SDC4: variants seen among roughly 807,000 people sequenced by gnomAD.
SDC4 encodes syndecan 4.
SDC4 carries 17 observed loss-of-function variants against 20.5 expected under a neutral mutation model. The observed-to-expected ratio is 0.83, with a 90% CI of 0.57 to 1.25. SDC4 has a LOEUF of 1.25. Among genes scored for constraint, SDC4 ranks in the 50% most tolerant of loss-of-function variants. The pLI is 0.00. For synonymous variants in SDC4, 107 were observed against 105.3 expected, an observed-to-expected ratio of 1.02 and a Z score of -0.10; for missense variants, 241 against 252.3, an observed-to-expected ratio of 0.96 and a Z score of 0.30.
chr20:45,342,909 G>T (rs1381410064), intron 1 of SDC4, among the ~76,000 whole-genome samples: 1 of 152,168 alleles, frequency 6.6e-6, no homozygotes, highest in African/African-American at 2.4e-5. Flanking sequence ...CCTCGTCTAG[G>T]TGCTAATAAA....
At chr20:45,337,692 A>ACT (rs1568906994) in intron 1 of SDC4, among the ~76,000 whole-genome samples, 1 of 151,774 alleles carries the variant, frequency 6.6e-6, no homozygotes. Flanking sequence ...CCACTCCTGT[A>ACT]CTCTCCCCAC....
intron 1 of SDC4, among the ~76,000 whole-genome samples, chr20:45,347,958 C>A (rs982910080): frequency 2.6e-5 from 4 of 152,248 alleles, no homozygotes; most frequent in Middle Eastern, 3.4e-3. Flanking sequence ...GCTCTGGGCG[C>A]CCCGAGAGCG....
Position 45,326,383 on chromosome 20 carries a change from T to TAAAAAAA in SDC4, c.*874_*880dup, listed in dbSNP as rs35186241. The TAAAAAAA allele has an allele frequency of 2.0e-4, 20 of 97,606 alleles. No homozygotes were observed. Among genetic ancestry groups the TAAAAAAA allele is most frequent in the Middle Eastern group, 6.9e-3 (1 of 144 alleles). The allele number at this position is 97,606 out of a possible 1,614,324, so 6.0% of individuals were successfully genotyped here. ...AGGCCCTATCTAAAGCTATAAATAG[T>TAAAAAAA]AAAAAAAAAAAAAAAAAAAAAAAAT... On this transcript the variant is annotated 3_prime_UTR_variant, in exon 5 of 5. Transcript: ENST00000372733.
At chr20:45,332,504 G>A (rs1987793386) in intron 3 of SDC4, among the ~76,000 whole-genome samples, 1 of 152,094 alleles carries the variant, frequency 6.6e-6, no homozygotes, top group Non-Finnish European at 1.5e-5. Flanking sequence ...AGCTATAAAT[G>A]TAGAGAAAAG....
In SDC4 at chr20:45,335,855, T is replaced by C. The variant is rs561187448; in HGVS notation, c.126A>G (p.Leu42=). Residue 42 remains leucine (L), a synonymous_variant, in exon 2 of 5, where the codon CTA becomes CTG. Transcript: ENST00000372733. The part of the protein sequence containing the change: ...LLEGRYFSGA[L]PDDEDVVGPG... ...GCCCCACTACATCCTCATCGTCTGG[T>C]AGGGCTCCGGAGAAGTATCGGCCTT... The C allele has an allele frequency of 3.1e-6, 5 of 1,613,930 alleles. No homozygotes were observed. The highest frequency in any genetic ancestry group is 2.2e-5 in the East Asian group (1 of 44,854).
At chr20:45,347,159 C>G (rs898570728) in intron 1 of SDC4, among the ~76,000 whole-genome samples, 1 of 152,144 alleles carries the variant, frequency 6.6e-6, no homozygotes, top group African/African-American at 2.4e-5. Context: ...GAAGTATTGC[C>G]TAGGGTCTCA....
In SDC4 at chr20:45,325,448, G is replaced by C. The variant is rs1451480472; in HGVS notation, c.*1816C>G. On this transcript the variant is annotated 3_prime_UTR_variant, in exon 5 of 5. Coordinates refer to ENST00000372733, the MANE Select transcript of SDC4 (RefSeq NM_002999.4). ...CAGCCAGCTGGGACCCTGGGTTGCAGTGGTGACGGGAGCTAATGGCCACTG... is the reference window on the plus strand; with the variant it reads ...CAGCCAGCTGGGACCCTGGGTTGCACTGGTGACGGGAGCTAATGGCCACTG... 3 of 152,808 alleles carry C rather than the reference G, an allele frequency of 2.0e-5. No homozygotes were observed. The East Asian group carries it at 5.8e-4, about 29-fold the overall frequency. 9.5% of individuals were successfully genotyped at this position (152,808 alleles called of 1,614,324 possible).
Position 45,325,628 on chromosome 20 carries a change from C to A in SDC4, c.*1636G>T, listed in dbSNP as rs1229740638. 1.2e-5 allele frequency: 1 copy of A among 82,700 alleles called. No individual in the cohort carries two copies. The highest frequency in any genetic ancestry group is 2.3e-5 in the Non-Finnish European group (1 of 42,842). The allele number at this position is 82,700 out of a possible 1,614,324, so 5.1% of individuals were successfully genotyped here. On this transcript the variant is annotated 3_prime_UTR_variant, in exon 5 of 5. Transcript: ENST00000372733. ...GGGCCTCATCAGCCCTCCCCCATTC[C>A]CCCCCCCCTACCCAGGGAGACAAGG... is the stretch of plus-strand genomic sequence containing the variant.
Position 45,326,299 on chromosome 20 carries a change from A to T in SDC4, c.*965T>A, listed in dbSNP as rs1600727003. 1 of 59,222 alleles carries T rather than the reference A, an allele frequency of 1.7e-5. No individual in the cohort carries two copies. Among genetic ancestry groups the T allele is most frequent in the Admixed American group, 1.8e-4 (1 of 5,588 alleles). 3.7% of individuals were successfully genotyped at this position (59,222 alleles called of 1,614,324 possible). A position where few individuals can be genotyped will look rare whatever the true frequency, so the allele number is the denominator to read the frequency against. On this transcript the variant is annotated 3_prime_UTR_variant, in exon 5 of 5. Transcript: ENST00000372733. ...CCATGAGGAGCGGGGTTTAAAGTAT[A>T]AAAAAAAAACTGGGGAAGGGGTTTA...
In SDC4 at chr20:45,327,251, C is replaced by G; in HGVS notation, c.*13G>C. 1 of 1,613,986 alleles carries G rather than the reference C, an allele frequency of 6.2e-7. No individual in the cohort carries two copies. Among genetic ancestry groups the G allele is most frequent in the Non-Finnish European group, 8.5e-7 (1 of 1,179,930 alleles). On this transcript the variant is annotated 3_prime_UTR_variant, in exon 5 of 5. Transcript: ENST00000372733. Reference sequence around the variant, plus strand: ...TCCCCGCTAAAGTCCAAGCCAGTGCCCACAAGCAAGCTTCACGCGTAGAAC... The same window carrying G: ...TCCCCGCTAAAGTCCAAGCCAGTGCGCACAAGCAAGCTTCACGCGTAGAAC...
In SDC4 at chr20:45,327,047, T is replaced by C. The variant is rs1987702159; in HGVS notation, c.*217A>G. 1 of 507,646 alleles carries C rather than the reference T, an allele frequency of 2.0e-6. No individual in the cohort carries two copies. Among genetic ancestry groups the C allele is most frequent in the East Asian group, 3.0e-5 (1 of 33,000 alleles). The allele number at this position is 507,646 out of a possible 1,614,324, so 31.4% of individuals were successfully genotyped here. A position where few individuals can be genotyped will look rare whatever the true frequency, so the allele number is the denominator to read the frequency against. On this transcript the variant is annotated 3_prime_UTR_variant, in exon 5 of 5. Transcript: ENST00000372733. Reference sequence around the variant, plus strand: ...TTGCCTTCAGAAAGGCCAAGTTGAATCCATTTTTCTGCCAGGGCAACTGAG... The same window carrying C: ...TTGCCTTCAGAAAGGCCAAGTTGAACCCATTTTTCTGCCAGGGCAACTGAG...
intron 3 of SDC4, among the ~76,000 whole-genome samples, chr20:45,330,884 G>T (rs144207066): frequency 2.6e-5 from 4 of 152,212 alleles, no homozygotes; most frequent in African/African-American, 7.2e-5. Context: ...CTTAGACATC[G>T]CTTGCCCTTT....
rs1253202922 is a variant in SDC4, at chr20:45,348,379, G to A, written c.6C>T (p.Ala2=). 7 of 1,581,566 alleles carry A rather than the reference G, an allele frequency of 4.4e-6. No homozygotes were observed. The African/African-American group carries it at 8.1e-5, about 18-fold the overall frequency. The change falls in exon 1 of 5, where the codon GCC becomes GCT. Residue 2 remains alanine (A), a synonymous_variant. Transcript: ENST00000372733. ...GCAGCAGCGCGAACAGACGGGCGGG[G>A]GCCATGGCACCGCGGACTGGAGAAG... M[A]PARLFALLLF... is the part of the protein sequence containing the mutation.
intron 3 of SDC4, 107 bp from the exon 4 acceptor site, chr20:45,330,671 G>A: frequency 1.0e-6 from 1 of 954,934 alleles, no homozygotes; most frequent in Non-Finnish European, 1.6e-6. Context: ...GCCATATTCA[G>A]CTGAACCATA....
chr20:45,345,266 T>A (rs1481706660), intron 1 of SDC4: 1 of 152,174 alleles, frequency 6.6e-6, no homozygotes, highest in African/African-American at 2.4e-5. Flanking sequence ...TGGAGTATGT[T>A]AATTCCCTCA....
chr20:45,330,335 A>G (rs746204353), intron 4 of SDC4, 31 bp downstream of exon 4: 1 of 1,604,526 alleles, frequency 6.2e-7, no homozygotes, highest in Non-Finnish European at 8.5e-7. Context: ...TTCCACCTTC[A>G]AGGCATCTTA....
chr20:45,330,826 G>A (rs985350798), intron 3 of SDC4, among the ~76,000 whole-genome samples: 2 of 152,290 alleles, frequency 1.3e-5, no homozygotes, highest in Admixed American at 1.3e-4. Context: ...TGCACTGCTG[G>A]CCACTGGTTA....
chr20:45,335,203 G>A (rs1220150138), intron 2 of SDC4, among the ~76,000 whole-genome samples: 1 of 150,712 alleles, frequency 6.6e-6, no homozygotes, highest in Non-Finnish European at 1.5e-5. Flanking sequence ...TTTGAGACAG[G>A]GTCTCACTCT....
chr20:45,346,220 G>A (rs1001120004), intron 1 of SDC4, among the ~76,000 whole-genome samples: 1 of 152,172 alleles, frequency 6.6e-6, no homozygotes, highest in African/African-American at 2.4e-5. Context: ...CGAGCCAACC[G>A]TGACTATGTC....
Sources: allele counts gnomAD v4.1 joint callset (sites outside exome capture counted in the v4.1 genomes callset), GRCh38; gene constraint gnomAD v4.1.1; transcripts MANE v1.5; gene names NCBI Gene and HGNC (gene_info 2026-07-23, HGNC 2026-07-21).